Variants in SESN1 observed in about 807,000 individuals in gnomAD.
SESN1 encodes the protein sestrin 1.
In SESN1, 30 loss-of-function variants were observed where a neutral mutation model predicts 59.3. That is an observed-to-expected ratio of 0.51 (90% CI 0.38 to 0.69). The LOEUF is 0.69. Among genes scored for constraint, SESN1 ranks in the 30% least tolerant of loss-of-function variants. The pLI, the probability that SESN1 is intolerant of heterozygous loss-of-function variation, is 0.00. For synonymous variants in SESN1, 197 were observed against 219.9 expected, an observed-to-expected ratio of 0.90 and a Z score of 0.92; for missense variants, 566 against 673.0, an observed-to-expected ratio of 0.84 and a Z score of 1.76.
intron 1 of SESN1, among the ~76,000 whole-genome samples, chr6:109,040,455 A>C (rs1780319703): frequency 6.6e-6 from 1 of 152,152 alleles, no homozygotes; most frequent in African/African-American, 2.4e-5. Context: ...AAAGTTACTA[A>C]GAATTTATCA....
chr6:108,991,575 C>T (rs1779384849), intron 7 of SESN1, among the ~76,000 whole-genome samples: 1 of 152,166 alleles, frequency 6.6e-6, no homozygotes, highest in Non-Finnish European at 1.5e-5. Context: ...ACACATCTAT[C>T]ACCCATTCCT....
intron 1 of SESN1, among the ~76,000 whole-genome samples, chr6:109,050,254 A>G (rs1780520032): frequency 2.0e-5 from 3 of 152,154 alleles, no homozygotes; most frequent in Admixed American, 6.5e-5. Flanking sequence ...AGACTGACCA[A>G]TTGTGCTACC....
In SESN1 at chr6:109,001,429, A is replaced by G; in HGVS notation, c.405T>C (p.Ala135=). The change falls in exon 3 of 10, where the codon GCT becomes GCC. Residue 135 remains alanine (A), a synonymous_variant. Coordinates refer to ENST00000436639, the MANE Select transcript of SESN1 (RefSeq NM_014454.3). The part of the protein sequence containing the change: ...QMHALFADSF[A]ALGRLDNITL... ...TAATGTTATCCAAACGGCCCAAAGCAGCAAAAGAATCTGCAAATAAAGCAT... is the reference window on the plus strand; with the variant it reads ...TAATGTTATCCAAACGGCCCAAAGCGGCAAAAGAATCTGCAAATAAAGCAT... 6 of 1,613,928 alleles carry G rather than the reference A, an allele frequency of 3.7e-6. No individual in the cohort carries two copies. Among genetic ancestry groups the G allele is most frequent in the Non-Finnish European group, 4.2e-6 (5 of 1,179,826 alleles).
At chr6:109,014,752 C>G (rs987727238) in intron 1 of SESN1, among the ~76,000 whole-genome samples, 5 of 152,152 alleles carry the variant, frequency 3.3e-5, no homozygotes, top group Admixed American at 6.5e-5. Flanking sequence ...TTGGTGGCCT[C>G]ATGCCACCCA....
intron 1 of SESN1, among the ~76,000 whole-genome samples, chr6:109,070,400 C>T (rs1780911688): frequency 6.6e-6 from 1 of 151,918 alleles, no homozygotes; most frequent in South Asian, 2.1e-4. Flanking sequence ...GGCCCATGTA[C>T]GCAACCTTAG....
intron 1 of SESN1, among the ~76,000 whole-genome samples, chr6:109,026,697 G>C (rs1780099362): frequency 6.6e-6 from 1 of 151,928 alleles, no homozygotes; most frequent in Non-Finnish European, 1.5e-5. Context: ...TAGCGACGGG[G>C]TTTCACCATG....
rs1399516245 is a variant in SESN1, at chr6:109,094,143, T to A, written c.-70A>T. The A allele has an allele frequency of 4.1e-6, 6 of 1,453,822 alleles. No individual in the cohort carries two copies. The East Asian group carries it at 1.1e-4, about 28-fold the overall frequency. 90.1% of individuals were successfully genotyped at this position (1,453,822 alleles called of 1,614,324 possible). A position where few individuals can be genotyped will look rare whatever the true frequency, so the allele number is the denominator to read the frequency against. On this transcript the variant is annotated 5_prime_UTR_variant, in exon 1 of 10. Coordinates refer to ENST00000436639, the MANE Select transcript of SESN1 (RefSeq NM_014454.3). ...CCCCAAAAAAATTGCTTTGTATTTT[T>A]AAAATGAAAAATGTAAAAATAAAAT...
intron 3 of SESN1, 79 bp downstream of exon 3, chr6:109,001,209 T>A (rs1183978256): frequency 3.4e-6 from 4 of 1,162,316 alleles, no homozygotes; most frequent in Non-Finnish European, 5.0e-6. Flanking sequence ...TATTTATCCC[T>A]GTGTTTAAAG....
chr6:109,029,322 A>G (rs1376603097), intron 1 of SESN1, among the ~76,000 whole-genome samples: 1 of 152,246 alleles, frequency 6.6e-6, no homozygotes, highest in African/African-American at 2.4e-5. Context: ...TGAACCAAAA[A>G]GTTGGTCTCC....
chr6:109,041,280 T>C (rs931423378), intron 1 of SESN1, among the ~76,000 whole-genome samples: 1 of 151,944 alleles, frequency 6.6e-6, no homozygotes, highest in Non-Finnish European at 1.5e-5. Context: ...CCAGTCTGGG[T>C]GGCAGAGTGA....
chr6:109,050,308 G>A (rs1294624607), intron 1 of SESN1, among the ~76,000 whole-genome samples: 1 of 150,904 alleles, frequency 6.6e-6, no homozygotes, highest in African/African-American at 2.4e-5. Context: ...TTAAGTAGCA[G>A]TCAAAACATT....
rs796290872 is a variant in SESN1, at chr6:109,092,841, T to C, written c.279+954A>G. ...AAATATCCCAAGATCTTAAATAGAG[T>C]CTTCATTTTGTGGATATTATTTTTC... On this transcript the variant is annotated intron_variant, in intron 1 of 9. Transcript: ENST00000436639. Among the ~76,000 whole-genome samples the C allele has an allele frequency of 4.6e-5, 7 of 152,176 alleles. 1 individual carries two copies. Among genetic ancestry groups the C allele is most frequent in the African/African-American group, 1.7e-4 (7 of 41,538 alleles).
chr6:109,005,636 T>C (rs959180837), intron 1 of SESN1, among the ~76,000 whole-genome samples: 7 of 152,214 alleles, frequency 4.6e-5, no homozygotes, highest in Non-Finnish European at 8.8e-5. Flanking sequence ...GCAAGGGTTC[T>C]ATGTAATTCT....
At chr6:109,025,340 A>G (rs770956649) in intron 1 of SESN1, among the ~76,000 whole-genome samples, 7 of 152,012 alleles carry the variant, frequency 4.6e-5, no homozygotes, top group Non-Finnish European at 8.8e-5. Context: ...TATTTAGTAT[A>G]AAGTGGGCTG....
intron 1 of SESN1, among the ~76,000 whole-genome samples, chr6:109,084,456 A>C (rs954677461): frequency 6.6e-6 from 1 of 152,192 alleles, no homozygotes; most frequent in African/African-American, 2.4e-5. Context: ...TGGGAGGCTG[A>C]GGCAGGAGAA....
At chr6:109,072,049 G>A (rs1397085222) in intron 1 of SESN1, among the ~76,000 whole-genome samples, 1 of 152,158 alleles carries the variant, frequency 6.6e-6, no homozygotes, top group Non-Finnish European at 1.5e-5. Context: ...ATTTGAGAAT[G>A]CTTACATTGT....
rs932319324 is a variant in SESN1, at chr6:108,986,243, C to G, written c.*1301G>C. On this transcript the variant is annotated 3_prime_UTR_variant, in exon 10 of 10. Transcript: ENST00000436639. ...AAAGAGAGCAGGCATAGGGCCATAC[C>G]AGTCATTTCCAAGATAAAAATGGTC... 6.6e-6 allele frequency among the ~76,000 whole-genome samples: 1 copy of G among 152,164 alleles called. No homozygotes were observed. The highest frequency in any genetic ancestry group is 1.5e-5 in the Non-Finnish European group (1 of 68,032).
chr6:109,011,632 CTTT>C (rs1208292681), intron 1 of SESN1, among the ~76,000 whole-genome samples: 4 of 138,654 alleles, frequency 2.9e-5, no homozygotes, highest in Non-Finnish European at 3.1e-5. Flanking sequence ...AATTTTTTTT[CTTT>C]TTTTTTTTTT....
intron 6 of SESN1, 139 bp downstream of exon 6, chr6:108,994,323 T>G (rs1779455067): frequency 1.7e-6 from 1 of 580,462 alleles, no homozygotes; most frequent in African/African-American, 1.9e-5. Context: ...AAAAATTATT[T>G]GTAAATAGGA....
Sources: allele counts gnomAD v4.1 joint callset (sites outside exome capture counted in the v4.1 genomes callset), GRCh38; gene constraint gnomAD v4.1.1; transcripts MANE v1.5; gene names NCBI Gene and HGNC (gene_info 2026-07-23, HGNC 2026-07-21).